The following KIF1B variants were observed in gnomAD, a reference collection of about 807,000 sequenced individuals.
KIF1B encodes the protein kinesin family member 1B.
In KIF1B, 76 loss-of-function variants were observed where a neutral mutation model predicts 241.9. That is an observed-to-expected ratio of 0.31 (90% CI 0.26 to 0.38). The LOEUF (loss-of-function observed/expected upper bound fraction) is 0.38. Ranked by LOEUF, KIF1B falls within the 10% of genes least tolerant of loss-of-function variation. KIF1B has a pLI of 1.00. For missense variants in KIF1B, 1,622 were observed against 2,271.4 expected, an observed-to-expected ratio of 0.71 and a Z score of 5.81; for synonymous variants, 750 against 796.7, an observed-to-expected ratio of 0.94 and a Z score of 0.99.
chr1:10,291,241 T>C, intron 16 of KIF1B, 80 bp downstream of exon 16: 2 of 1,047,020 alleles, frequency 1.9e-6, no homozygotes, highest in South Asian at 2.8e-5. Context: ...AGATAAAATA[T>C]AAATTAAAAT....
chr1:10,245,855 T>C (rs932351419), intron 2 of KIF1B, among the ~76,000 whole-genome samples: 5 of 152,174 alleles, frequency 3.3e-5, no homozygotes, highest in Non-Finnish European at 7.3e-5. Flanking sequence ...CTTCAAACAG[T>C]TCATTTTCTT....
In KIF1B at chr1:10,259,504, A is replaced by AT. The variant is rs1266276207; in HGVS notation, c.363+832_363+833insT. On this transcript the variant is annotated intron_variant, in intron 4 of 48. Transcript: ENST00000676179. ...TCATTTTTAAATTAAAAAAAAAAAA[A>AT]ATTTTTTTTTTTTTTTGAGGTGGAG... 6.3e-3 allele frequency among the ~76,000 whole-genome samples: 869 copies of AT among 138,500 alleles called. 7 individuals carry two copies. The highest frequency in any genetic ancestry group is 0.011 in the Non-Finnish European group (708 of 63,948). 90.9% of individuals were successfully genotyped at this position (138,500 alleles called of 152,430 possible). A position where few individuals can be genotyped will look rare whatever the true frequency, so the allele number is the denominator to read the frequency against.
intron 36 of KIF1B, 129 bp from the exon 37 acceptor site, chr1:10,348,520 C>A: frequency 1.4e-6 from 1 of 725,350 alleles, no homozygotes; most frequent in Non-Finnish European, 2.5e-6. Flanking sequence ...ATGTGGATAG[C>A]ATTTTCCGTC....
In KIF1B at chr1:10,326,210, C is replaced by T. The variant is rs773568203; in HGVS notation, c.2775C>T (p.Asp925=). 25 of 1,614,016 alleles carry T rather than the reference C, an allele frequency of 1.5e-5. No homozygotes were observed. Among genetic ancestry groups the T allele is most frequent in the South Asian group, 3.3e-5 (3 of 91,092 alleles). The part of the protein sequence containing the change: ...TADSDITELA[D]EQQDEMEDFD... Reference sequence around the variant, plus strand: ...ATTCCGACATCACTGAGCTGGCTGACGAGCAGCAAGATGAGATGGAGGATT... The same window carrying T: ...ATTCCGACATCACTGAGCTGGCTGATGAGCAGCAAGATGAGATGGAGGATT... The change falls in exon 27 of 49, where the codon GAC becomes GAT. Residue 925 remains aspartate, a synonymous_variant. Coordinates refer to ENST00000676179, the MANE Select transcript of KIF1B (RefSeq NM_001365951.3). This position sits in a 1 kb window ranked among gnomAD's most constrained non-coding sequence, Gnocchi z 5.2.
chr1:10,274,670 C>T (rs1355159027), intron 10 of KIF1B, among the ~76,000 whole-genome samples: 1 of 151,996 alleles, frequency 6.6e-6, no homozygotes, highest in Non-Finnish European at 1.5e-5. Flanking sequence ...CACATCCAAC[C>T]TGGAATGCAC....
At chr1:10,317,954 G>C (rs1282523970) in intron 22 of KIF1B, among the ~76,000 whole-genome samples, 5 of 151,504 alleles carry the variant, frequency 3.3e-5, no homozygotes, top group Non-Finnish European at 5.9e-5. Context: ...CAGGTCAAAT[G>C]CTAAAATCTT....
In KIF1B at chr1:10,292,593, TA is replaced by T. The variant is rs771642832; in HGVS notation, c.1590+473del. ...TTTGTATTATAGACAGCCATTGTAC[TA>T]AGTAAAGCAATTCCTGTCCCTATCC... On this transcript the variant is annotated intron_variant, in intron 17 of 48. Transcript: ENST00000676179. Among the ~76,000 whole-genome samples the T allele has an allele frequency of 2.5e-4, 38 of 152,372 alleles. 1 individual carries two copies. The highest frequency in any genetic ancestry group is 4.6e-4 in the Non-Finnish European group (31 of 68,032).
chr1:10,259,703 A>G (rs1352298063), intron 4 of KIF1B, among the ~76,000 whole-genome samples: 1 of 151,730 alleles, frequency 6.6e-6, no homozygotes, highest in Non-Finnish European at 1.5e-5. Context: ...GGGTTTCACC[A>G]TGTTGGTCCT....
At chr1:10,238,944 G>A (rs2102144219) in intron 2 of KIF1B, among the ~76,000 whole-genome samples, 1 of 151,952 alleles carries the variant, frequency 6.6e-6, no homozygotes. Context: ...TTTTCTTTCA[G>A]TTTTTTTGTT....
chr1:10,372,659 C>T (rs1201764844), intron 45 of KIF1B, among the ~76,000 whole-genome samples: 1 of 120,082 alleles, frequency 8.3e-6, no homozygotes, highest in Non-Finnish European at 1.7e-5. Context: ...GCTTGGGTGA[C>T]AGAGCTGTCA....
At chr1:10,285,771 C>T (rs921334355) in intron 15 of KIF1B, among the ~76,000 whole-genome samples, 3 of 152,246 alleles carry the variant, frequency 2.0e-5, no homozygotes, top group African/African-American at 4.8e-5. Context: ...TCATCCGTAG[C>T]GCCAGGGCAA....
At chr1:10,351,995 A>G (rs1439727750) in intron 37 of KIF1B, among the ~76,000 whole-genome samples, 2 of 151,964 alleles carry the variant, frequency 1.3e-5, no homozygotes, top group African/African-American at 4.8e-5. Flanking sequence ...ACAAAAAAAC[A>G]AGAAACTGTC....
chr1:10,324,216 C>T (rs1651634627), intron 25 of KIF1B, among the ~76,000 whole-genome samples, 154 bp downstream of exon 25: 1 of 152,110 alleles, frequency 6.6e-6, no homozygotes, highest in African/African-American at 2.4e-5. Flanking sequence ...TATTACCATC[C>T]ATCTGTTTTC....
intron 22 of KIF1B, among the ~76,000 whole-genome samples, chr1:10,301,240 A>G (rs995177804): frequency 6.6e-5 from 10 of 152,210 alleles, no homozygotes; most frequent in African/African-American, 2.4e-4. Flanking sequence ...AAACTCTTCT[A>G]GAGATATTTT....
At chr1:10,233,590 C>G (rs1005430033) in intron 2 of KIF1B, among the ~76,000 whole-genome samples, 2 of 151,924 alleles carry the variant, frequency 1.3e-5, no homozygotes, top group Admixed American at 1.3e-4. Context: ...ACATTGCCAA[C>G]AGTTCTGTGA....
chr1:10,296,440 A>G, intron 19 of KIF1B, 142 bp from the exon 20 acceptor site: 3 of 708,916 alleles, frequency 4.2e-6, no homozygotes, highest in Non-Finnish European at 7.6e-6. Context: ...CCCAAAATGA[A>G]CTACTGTATA....
At chr1:10,240,206 C>CTTAT (rs993603465) in intron 2 of KIF1B, among the ~76,000 whole-genome samples, 17 of 151,506 alleles carry the variant, frequency 1.1e-4, no homozygotes, top group African/African-American at 2.2e-4. Context: ...CCTGCCAAAC[C>CTTAT]TTATTTATTT....
intron 28 of KIF1B, among the ~76,000 whole-genome samples, chr1:10,334,946 T>C (rs910786799): frequency 2.0e-5 from 3 of 151,898 alleles, no homozygotes; most frequent in Non-Finnish European, 2.9e-5. Flanking sequence ...TGTGTTGTTT[T>C]TTTTTTTTTT....
At chr1:10,211,300 G>T (rs144125769) in intron 1 of KIF1B, among the ~76,000 whole-genome samples, 149 of 152,332 alleles carry the variant, frequency 9.8e-4, no homozygotes, top group Non-Finnish European at 1.8e-3. Context: ...ATCGGGCTTC[G>T]GCTGGGAATG....
Sources: allele counts gnomAD v4.1 joint callset (sites outside exome capture counted in the v4.1 genomes callset), GRCh38; gene constraint gnomAD v4.1.1; non-coding constraint Gnocchi (gnomAD v3.1); transcripts MANE v1.5; gene names NCBI Gene and HGNC (gene_info 2026-07-23, HGNC 2026-07-21).